Variants in NOL4 observed in about 807,000 individuals in gnomAD.
NOL4 encodes cancer/testis antigen 125.
NOL4 carries 17 observed loss-of-function variants against 75.9 expected under a neutral mutation model. The ratio of observed to expected loss-of-function variants is 0.22; its 90% CI spans 0.15 to 0.34. The LOEUF (loss-of-function observed/expected upper bound fraction) is 0.34. NOL4 is among the 10% of genes least tolerant of loss of function. The pLI is 1.00. For missense variants in NOL4, 614 were observed against 793.5 expected (o/e 0.77, Z 2.72); for synonymous variants, 292 against 289.9 (o/e 1.01, Z -0.07).
At chr18:34,001,989 T>C (rs2073748046) in intron 6 of NOL4, among the ~76,000 whole-genome samples, 1 of 152,064 alleles carries the variant, frequency 6.6e-6, no homozygotes, top group Non-Finnish European at 1.5e-5. Context: ...GCCAGTGCCA[T>C]CCACACAGAA....
chr18:33,919,800 C>A (rs537543703), intron 9 of NOL4, among the ~76,000 whole-genome samples: 33 of 152,290 alleles, frequency 2.2e-4, no homozygotes, highest in African/African-American at 7.5e-4. Flanking sequence ...TGTCTCTAGA[C>A]AATGCCCTTT....
At chr18:33,914,040 GAACA>G (rs1469228527) in intron 9 of NOL4, among the ~76,000 whole-genome samples, 34 of 152,042 alleles carry the variant, frequency 2.2e-4, no homozygotes, top group African/African-American at 8.2e-4. Flanking sequence ...ATGCAGAAAT[GAACA>G]AACATTTATT....
intron 1 of NOL4, among the ~76,000 whole-genome samples, chr18:34,158,435 A>G (rs1026965993): frequency 3.9e-5 from 6 of 152,200 alleles, no homozygotes; most frequent in Non-Finnish European, 5.9e-5. Flanking sequence ...TCAAAAACAG[A>G]GCCATGTGGA....
intron 10 of NOL4, among the ~76,000 whole-genome samples, chr18:33,859,923 T>A (rs2063020973): frequency 2.0e-5 from 3 of 151,898 alleles, no homozygotes; most frequent in African/African-American, 4.8e-5. Flanking sequence ...GTCTCAAAAA[T>A]AAATAAATAA....
intron 1 of NOL4, among the ~76,000 whole-genome samples, chr18:34,177,340 G>GAT (rs2033641940): frequency 6.6e-6 from 1 of 151,784 alleles, no homozygotes; most frequent in South Asian, 2.1e-4. Flanking sequence ...GGGAGTAATG[G>GAT]ATATGTTCAT....
intron 6 of NOL4, among the ~76,000 whole-genome samples, chr18:34,016,433 A>G (rs996544347): frequency 1.3e-5 from 2 of 152,074 alleles, no homozygotes; most frequent in African/African-American, 4.8e-5. Flanking sequence ...CTATTAGACA[A>G]TCCGAAGTCC....
chr18:34,056,457 G>A (rs990756163), intron 5 of NOL4, among the ~76,000 whole-genome samples: 3 of 152,048 alleles, frequency 2.0e-5, no homozygotes, highest in African/African-American at 7.2e-5. Context: ...GCATCTGCCT[G>A]TAGAACTACA....
At chr18:33,875,790 A>G (rs2063907280) in intron 10 of NOL4, among the ~76,000 whole-genome samples, 2 of 152,060 alleles carry the variant, frequency 1.3e-5, no homozygotes, top group South Asian at 4.1e-4. Flanking sequence ...AGCACTTGCT[A>G]TATGTCTGAC....
chr18:34,002,088 G>C (rs1007034688), intron 6 of NOL4, among the ~76,000 whole-genome samples: 1 of 152,010 alleles, frequency 6.6e-6, no homozygotes, highest in Non-Finnish European at 1.5e-5. Flanking sequence ...TTATTTCAAA[G>C]GCATTTTAAA....
At chr18:34,065,606 C>G (rs1240859475) in intron 5 of NOL4, among the ~76,000 whole-genome samples, 3 of 151,756 alleles carry the variant, frequency 2.0e-5, no homozygotes, top group Admixed American at 2.0e-4. Context: ...CCCCACCCCA[C>G]ACAAAACATT....
chr18:34,138,440 C>T (rs2080993331), intron 1 of NOL4, among the ~76,000 whole-genome samples: 2 of 151,908 alleles, frequency 1.3e-5, no homozygotes, highest in South Asian at 2.1e-4. Context: ...TAGTTTATTG[C>T]TTATTTAGAA....
intron 6 of NOL4, among the ~76,000 whole-genome samples, chr18:33,989,482 A>G (rs894836507): frequency 1.1e-4 from 16 of 152,226 alleles, no homozygotes; most frequent in Middle Eastern, 3.4e-3. Flanking sequence ...TGGCATTAGA[A>G]AAAGAAAGAT....
chr18:34,220,197 C>A (rs1046852890), intron 1 of NOL4, among the ~76,000 whole-genome samples: 3 of 152,138 alleles, frequency 2.0e-5, no homozygotes, highest in Non-Finnish European at 2.9e-5. Flanking sequence ...CTACTCTGTT[C>A]TAGTATAACC....
At chr18:34,051,078 A>G (rs1053774971) in intron 5 of NOL4, among the ~76,000 whole-genome samples, 1 of 152,062 alleles carries the variant, frequency 6.6e-6, no homozygotes, top group South Asian at 2.1e-4. Context: ...GTAAATATGT[A>G]TAAATTTCTC....
intron 10 of NOL4, among the ~76,000 whole-genome samples, chr18:33,882,305 A>G (rs1253447299): frequency 6.6e-6 from 1 of 152,158 alleles, no homozygotes; most frequent in African/African-American, 2.4e-5. Flanking sequence ...CAACCTACTC[A>G]TCTGACAAAG....
At chr18:33,981,085 T>C (rs568356096) in intron 6 of NOL4, among the ~76,000 whole-genome samples, 23 of 152,112 alleles carry the variant, frequency 1.5e-4, no homozygotes, top group African/African-American at 5.3e-4. Flanking sequence ...ATAGGCTCAT[T>C]AGTAGACTGG....
intron 1 of NOL4, chr18:34,222,273 A>G: frequency 1.5e-6 from 2 of 1,326,278 alleles, no homozygotes; most frequent in Non-Finnish European, 1.9e-6. Context: ...TAGCGCCTAA[A>G]CCCATCTTTC....
At chr18:33,945,437 T>C (rs1033792741) in intron 8 of NOL4, among the ~76,000 whole-genome samples, 2 of 151,800 alleles carry the variant, frequency 1.3e-5, no homozygotes, top group Non-Finnish European at 2.9e-5. Flanking sequence ...TGGCATTTTC[T>C]TTCAAATTCT....
intron 9 of NOL4, among the ~76,000 whole-genome samples, chr18:33,886,316 T>C (rs2064647017): frequency 6.6e-6 from 1 of 151,802 alleles, no homozygotes. Context: ...TCACCTGAGG[T>C]CAGGAGTTCG....
Sources: gnomAD v4.1 joint callset for allele counts (sites outside exome capture counted in the v4.1 genomes callset) on GRCh38, gnomAD v4.1.1 for gene constraint, MANE v1.5 for transcripts, NCBI Gene and HGNC (gene_info 2026-07-23, HGNC 2026-07-21) for gene names.